The following RAB3GAP1 variants were observed in gnomAD, a reference collection of about 807,000 sequenced individuals.
RAB3GAP1 encodes the protein RAB3 GTPase activating protein catalytic subunit 1, also known as rab3 GTPase-activating protein catalytic subunit.
In RAB3GAP1, 86 loss-of-function variants were observed where a neutral mutation model predicts 130.7. The observed-to-expected ratio is 0.66, with a 90% CI of 0.55 to 0.79. The LOEUF (loss-of-function observed/expected upper bound fraction) is 0.79, where lower values mean the gene tolerates loss of function less well. RAB3GAP1 is among the 30% of genes least tolerant of loss of function. The pLI is 0.00. For missense variants in RAB3GAP1, 1,029 were observed against 1,169.4 expected (o/e 0.88, Z 1.75); for synonymous variants, 367 against 401.7 (o/e 0.91, Z 1.03).
In RAB3GAP1 at chr2:135,065,767, AT is replaced by A. The variant is rs1201634667; in HGVS notation, c.150+7703del. Among the ~76,000 whole-genome samples, 377 of 123,908 alleles carry A rather than the reference AT, an allele frequency of 3.0e-3. 4 individuals carry two copies. Among genetic ancestry groups the A allele is most frequent in the East Asian group, 0.014 (64 of 4,564 alleles). The allele number at this position is 123,908 out of a possible 152,430, so 81.3% of individuals were successfully genotyped here. ...AATTTCTAATACGGGATCTTCACTA[AT>A]TTTTTTTTTTTTTTTTTTTTTGAGA... On this transcript the variant is annotated intron_variant, in intron 3 of 23. Coordinates refer to ENST00000264158, the MANE Select transcript of RAB3GAP1 (RefSeq NM_012233.3).
rs1328214683 is a variant in RAB3GAP1 at position 135,135,618 on chromosome 2, A to T, written c.1609A>T (p.Ser537Cys). 6.2e-7 allele frequency: 1 copy of T among 1,610,710 alleles called. No homozygotes were observed. Among genetic ancestry groups the T allele is most frequent in the East Asian group, 2.2e-5 (1 of 44,880 alleles). ...GGCACGTGATGAGGGGAAAAAGACA[A>T]GTGCTTCAGATGTCACTAATATATA... ...KKARDEGKKT[S>C]ASDVTNIYPG... Residue 537 changes from serine to cysteine, a missense_variant, in exon 17 of 24, where the codon AGT (serine) becomes TGT (cysteine). Physicochemically the swap from Ser to Cys is moderately radical, Grantham distance 112. This residue lies in a region of RAB3GAP1 where 373 missense variants were observed against 493.6 expected (regional missense o/e 0.76). Coordinates refer to ENST00000264158, the MANE Select transcript of RAB3GAP1 (RefSeq NM_012233.3).
intron 5 of RAB3GAP1, among the ~76,000 whole-genome samples, chr2:135,094,563 C>T (rs1012344470): frequency 1.6e-4 from 24 of 152,284 alleles, no homozygotes; most frequent in African/African-American, 5.8e-4. Context: ...TTCTAAGCCT[C>T]TGGTAATTCT....
intron 2 of RAB3GAP1, among the ~76,000 whole-genome samples, chr2:135,057,565 T>C (rs1052635024): frequency 1.3e-5 from 2 of 152,190 alleles, no homozygotes; most frequent in Non-Finnish European, 2.9e-5. Flanking sequence ...GGGCTAATTT[T>C]TTTTGTATTT....
chr2:135,150,647 C>T, intron 18 of RAB3GAP1, 141 bp downstream of exon 18: 1 of 1,063,114 alleles, frequency 9.4e-7, no homozygotes, highest in Non-Finnish European at 1.4e-6. Context: ...CAACACTCTG[C>T]CACCATCCCC....
intron 5 of RAB3GAP1, among the ~76,000 whole-genome samples, chr2:135,112,446 G>C (rs770865140): frequency 4.6e-5 from 7 of 152,186 alleles, no homozygotes; most frequent in Non-Finnish European, 7.3e-5. Flanking sequence ...GCCTGCACTG[G>C]ATGAAGCAAT....
downstream of RAB3GAP1, among the ~76,000 whole-genome samples, chr2:135,171,100 C>A (rs981390953): frequency 6.6e-6 from 1 of 151,800 alleles, no homozygotes; most frequent in East Asian, 2.0e-4. Context: ...AAGCGTATTA[C>A]AAGCAGAGGA....
chr2:135,173,020 A>G (rs1039839314), downstream of RAB3GAP1, among the ~76,000 whole-genome samples: 5 of 152,146 alleles, frequency 3.3e-5, no homozygotes, highest in East Asian at 9.7e-4. Context: ...TAAGCTTGGA[A>G]GTGGATCCTC....
intron 9 of RAB3GAP1, 56 bp downstream of exon 9, chr2:135,124,302 T>C: frequency 6.8e-7 from 1 of 1,474,186 alleles, no homozygotes; most frequent in Non-Finnish European, 9.5e-7. Flanking sequence ...TGAATTTATA[T>C]TGATATTGAT....
chr2:135,106,864 A>G (rs1006939143), intron 5 of RAB3GAP1, among the ~76,000 whole-genome samples: 3 of 152,052 alleles, frequency 2.0e-5, no homozygotes, highest in Non-Finnish European at 4.4e-5. Context: ...AATTTGATTA[A>G]AAACACTCAG....
At chr2:135,094,853 A>G (rs534239573) in intron 5 of RAB3GAP1, among the ~76,000 whole-genome samples, 4 of 152,184 alleles carry the variant, frequency 2.6e-5, no homozygotes, top group Admixed American at 6.5e-5. Context: ...AGTTCCTTCT[A>G]TGCTCTTGTA....
intron 12 of RAB3GAP1, 134 bp downstream of exon 12, chr2:135,130,221 T>A: frequency 1.3e-6 from 1 of 760,790 alleles, no homozygotes; most frequent in Non-Finnish European, 2.2e-6. Context: ...ACTAGACAGC[T>A]ACAGTTCCTT....
chr2:135,100,702 T>C (rs1574108173), intron 5 of RAB3GAP1, among the ~76,000 whole-genome samples: 1 of 152,342 alleles, frequency 6.6e-6, no homozygotes, highest in Non-Finnish European at 1.5e-5. Context: ...TCAACAAATA[T>C]AATTTTTAAA....
chr2:135,171,199 G>A (rs1692842435), downstream of RAB3GAP1, among the ~76,000 whole-genome samples: 1 of 152,138 alleles, frequency 6.6e-6, no homozygotes, highest in Non-Finnish European at 1.5e-5. Context: ...GGTATCTAGA[G>A]TGGGAAGGGG....
chr2:135,067,318 C>T (rs910532157), intron 3 of RAB3GAP1, among the ~76,000 whole-genome samples: 1 of 152,120 alleles, frequency 6.6e-6, no homozygotes, highest in African/African-American at 2.4e-5. Flanking sequence ...ACAGAAGCAA[C>T]ATTGAGCTAC....
chr2:135,132,003 T>C (rs1691560489), intron 13 of RAB3GAP1, among the ~76,000 whole-genome samples: 2 of 152,370 alleles, frequency 1.3e-5, no homozygotes, highest in African/African-American at 4.8e-5. Context: ...TTTTAGCTTG[T>C]ACATCGTAAG....
chr2:135,153,277 A>G (rs1273324143), intron 18 of RAB3GAP1, among the ~76,000 whole-genome samples: 1 of 152,162 alleles, frequency 6.6e-6, no homozygotes, highest in Non-Finnish European at 1.5e-5. Context: ...GTAACACATA[A>G]TGTGTTTAAG....
intron 17 of RAB3GAP1, among the ~76,000 whole-genome samples, chr2:135,145,243 A>G (rs1215845225): frequency 2.6e-5 from 4 of 152,080 alleles, no homozygotes; most frequent in East Asian, 1.9e-4. Flanking sequence ...GAACATTTCA[A>G]ATTTTTTCTC....
rs540177038 is a variant in RAB3GAP1, at chr2:135,100,984, A to C, written c.362+7291A>C. Among the ~76,000 whole-genome samples the C allele has an allele frequency of 8.5e-5, 13 of 152,322 alleles. 1 individual carries two copies. In the South Asian group the frequency reaches 2.5e-3, roughly 29 times the overall value. On this transcript the variant is annotated intron_variant, in intron 5 of 23. Coordinates refer to ENST00000264158, the MANE Select transcript of RAB3GAP1 (RefSeq NM_012233.3). Reference sequence around the variant, plus strand: ...AACCAGGTGAATAAGCTTAATTAATAAGTTAGGTAAAAAGATACTTGAGGC... The same window carrying C: ...AACCAGGTGAATAAGCTTAATTAATCAGTTAGGTAAAAAGATACTTGAGGC...
chr2:135,112,119 C>T (rs532783379), intron 5 of RAB3GAP1, among the ~76,000 whole-genome samples: 10 of 152,310 alleles, frequency 6.6e-5, no homozygotes, highest in African/African-American at 2.4e-4. Flanking sequence ...GGCCCAGCCC[C>T]ACCACTGACC....
Sources: gnomAD v4.1 joint callset for allele counts (sites outside exome capture counted in the v4.1 genomes callset) on GRCh38, gnomAD v4.1.1 for gene constraint, gnomAD v4.1.1 regional missense constraint, MANE v1.5 for transcripts, NCBI Gene and HGNC (gene_info 2026-07-23, HGNC 2026-07-21) for gene names.